Variants in UNC13C observed in about 807,000 individuals in gnomAD.
UNC13C encodes the protein protein unc-13 homolog C.
In UNC13C, 174 loss-of-function variants were observed where a neutral mutation model predicts 245.4. That is an observed-to-expected ratio of 0.71 (90% CI 0.63 to 0.80). The LOEUF (loss-of-function observed/expected upper bound fraction) is 0.80. Ranked by LOEUF, UNC13C falls within the 30% of genes least tolerant of loss-of-function variation. The pLI, the probability that UNC13C is intolerant of heterozygous loss-of-function variation, is 0.00. For missense variants in UNC13C, 2,829 were observed against 2,602.9 expected (o/e 1.09, Z -1.89); for synonymous variants, 992 against 895.1 (o/e 1.11, Z -1.93).
At chr15:53,942,400 G>A in the UNC13C span, among the ~76,000 whole-genome samples, 3 of 152,072 alleles carry the variant, frequency 2.0e-5, no homozygotes, top group African/African-American at 7.2e-5. Flanking sequence ...TGGGCCTGTT[G>A]GTGGGGATGA....
At chr15:54,075,483 C>G (rs1261015975) in intron 2 of UNC13C, among the ~76,000 whole-genome samples, 7 of 123,760 alleles carry the variant, frequency 5.7e-5, no homozygotes, top group African/African-American at 2.8e-4. Flanking sequence ...TGCAGTGAGC[C>G]GGAGCTTGCA....
At chr15:54,055,640 G>A (rs145793277) in intron 2 of UNC13C, among the ~76,000 whole-genome samples, 127 of 152,176 alleles carry the variant, frequency 8.3e-4, no homozygotes, top group Middle Eastern at 3.4e-3. Flanking sequence ...TTACTTCTCC[G>A]GGTTGTTTCA....
chr15:54,561,025 C>T (rs1388516839), intron 29 of UNC13C, among the ~76,000 whole-genome samples: 1 of 152,012 alleles, frequency 6.6e-6, no homozygotes, highest in Non-Finnish European at 1.5e-5. Flanking sequence ...TTTTTTCCTC[C>T]TTTCCCAATA....
chr15:54,500,318 G>T, intron 21 of UNC13C, 143 bp downstream of exon 21: 1 of 672,144 alleles, frequency 1.5e-6, no homozygotes, highest in Non-Finnish European at 2.5e-6. Flanking sequence ...CACAATTTCA[G>T]TGGTCTGGTC....
chr15:54,479,104 C>G (rs532339177), intron 19 of UNC13C, among the ~76,000 whole-genome samples: 2 of 152,106 alleles, frequency 1.3e-5, no homozygotes, highest in Admixed American at 6.5e-5. Flanking sequence ...ATTCAGTTGG[C>G]TATAAATCCT....
chr15:54,255,818 G>A (rs932999899), intron 8 of UNC13C, among the ~76,000 whole-genome samples: 29 of 152,040 alleles, frequency 1.9e-4, no homozygotes, highest in African/African-American at 6.3e-4. Flanking sequence ...CTTCCATATC[G>A]CTACCACCTC....
intron 4 of UNC13C, among the ~76,000 whole-genome samples, chr15:54,155,359 T>C (rs2032697855): frequency 6.6e-6 from 1 of 152,178 alleles, no homozygotes; most frequent in South Asian, 2.1e-4. Context: ...AAACTGGAAC[T>C]GACACCTATC....
chr15:54,281,758 A>G (rs931506893), intron 10 of UNC13C, among the ~76,000 whole-genome samples: 2 of 152,232 alleles, frequency 1.3e-5, no homozygotes, highest in African/African-American at 2.4e-5. Context: ...TGAGGTAGGT[A>G]TCATTATTAT....
the UNC13C span, among the ~76,000 whole-genome samples, chr15:53,842,766 T>C: frequency 6.6e-6 from 1 of 152,042 alleles, no homozygotes; most frequent in Non-Finnish European, 1.5e-5. Context: ...TGACATCTGC[T>C]CCTTAACTTT....
chr15:53,977,079 G>T (rs1462893769), upstream of UNC13C, among the ~76,000 whole-genome samples: 4 of 152,132 alleles, frequency 2.6e-5, no homozygotes, highest in African/African-American at 9.7e-5. Flanking sequence ...AGACTGCCCT[G>T]GTACTTGCCC....
chr15:54,127,785 A>C (rs1476219672), intron 2 of UNC13C, among the ~76,000 whole-genome samples: 1 of 144,074 alleles, frequency 6.9e-6, no homozygotes, highest in Non-Finnish European at 1.5e-5. Flanking sequence ...TAATATATTT[A>C]ATATAATATA....
At chr15:54,081,741 A>G (rs1368313485) in intron 2 of UNC13C, among the ~76,000 whole-genome samples, 2 of 152,006 alleles carry the variant, frequency 1.3e-5, no homozygotes, top group South Asian at 2.1e-4. Context: ...TTTTTAATCC[A>G]ATTTTCCACT....
At chr15:53,904,888 A>G in the UNC13C span, among the ~76,000 whole-genome samples, 1 of 152,270 alleles carries the variant, frequency 6.6e-6, no homozygotes, top group East Asian at 1.9e-4. Context: ...GTTCCAACCT[A>G]GAGATGTTGT....
intron 30 of UNC13C, among the ~76,000 whole-genome samples, chr15:54,600,255 C>A (rs1204136554): frequency 1.3e-5 from 2 of 152,066 alleles, no homozygotes; most frequent in Non-Finnish European, 2.9e-5. Flanking sequence ...AAAGTGAGAC[C>A]TCTCTAAATT....
the UNC13C span, among the ~76,000 whole-genome samples, chr15:53,839,239 C>G: frequency 6.6e-6 from 1 of 151,974 alleles, no homozygotes; most frequent in Non-Finnish European, 1.5e-5. Flanking sequence ...GGACTCATAT[C>G]TGTAGGTTTC....
intron 4 of UNC13C, among the ~76,000 whole-genome samples, chr15:54,216,149 C>A (rs1228827602): frequency 6.6e-6 from 1 of 151,866 alleles, no homozygotes; most frequent in Non-Finnish European, 1.5e-5. Flanking sequence ...ATACTAGAGG[C>A]AAAGGAGGGG....
At chr15:54,507,454 A>G (rs1894525035) in intron 23 of UNC13C, among the ~76,000 whole-genome samples, 1 of 152,114 alleles carries the variant, frequency 6.6e-6, no homozygotes, top group Non-Finnish European at 1.5e-5. Context: ...TAAATCATTG[A>G]AAATAAACAT....
chr15:54,399,063 A>G (rs2040127677), intron 18 of UNC13C, among the ~76,000 whole-genome samples: 1 of 151,668 alleles, frequency 6.6e-6, no homozygotes, highest in Non-Finnish European at 1.5e-5. Context: ...ATGGAGAGTT[A>G]AGGTTAGATT....
At chr15:54,145,620 T>C (rs940607909) in intron 4 of UNC13C, among the ~76,000 whole-genome samples, 5 of 152,234 alleles carry the variant, frequency 3.3e-5, no homozygotes, top group Admixed American at 2.6e-4. Flanking sequence ...TGACCAGCAA[T>C]AATAATTTGA....
Sources: gnomAD v4.1 joint callset for allele counts (sites outside exome capture counted in the v4.1 genomes callset) on GRCh38, gnomAD v4.1.1 for gene constraint, MANE v1.5 for transcripts, NCBI Gene and HGNC (gene_info 2026-07-23, HGNC 2026-07-21) for gene names.